Variants in SORCS1 observed in about 807,000 individuals in gnomAD.
SORCS1 encodes VPS10 domain-containing receptor SorCS1.
A neutral mutation model predicts 146.1 loss-of-function variants in SORCS1; 60 were observed. The ratio of observed to expected loss-of-function variants is 0.41; its 90% CI spans 0.33 to 0.51. The LOEUF (loss-of-function observed/expected upper bound fraction) is 0.51, where lower values mean the gene tolerates loss of function less well. Ranked by LOEUF, SORCS1 falls within the 20% of genes least tolerant of loss-of-function variation. SORCS1 has a pLI of 0.21. For missense variants in SORCS1, 1,352 were observed against 1,487.6 expected (o/e 0.91, Z 1.50); for synonymous variants, 637 against 584.0 (o/e 1.09, Z -1.31).
chr10:107,113,056 T>C (rs1243401903), intron 1 of SORCS1, among the ~76,000 whole-genome samples: 1 of 152,176 alleles, frequency 6.6e-6, no homozygotes, highest in African/African-American at 2.4e-5. Context: ...CAACTACACG[T>C]TCTTCTCAAA....
At chr10:106,706,676 T>C in intron 7 of SORCS1, 42 bp from the exon 8 acceptor site, 1 of 1,579,988 alleles carries the variant, frequency 6.3e-7, no homozygotes, top group Non-Finnish European at 8.7e-7. Flanking sequence ...CGAGCTACTG[T>C]AACAGGCACA....
intron 5 of SORCS1, among the ~76,000 whole-genome samples, chr10:106,733,107 C>CAAAAAAAAA (rs1350500252): frequency 1.4e-4 from 16 of 111,192 alleles, no homozygotes; most frequent in African/African-American, 4.3e-4. Flanking sequence ...TACTCCATTT[C>CAAAAAAAAA]AAAAAAAAGA....
chr10:106,881,467 T>C (rs1432710334), intron 2 of SORCS1, among the ~76,000 whole-genome samples: 1 of 152,240 alleles, frequency 6.6e-6, no homozygotes, highest in African/African-American at 2.4e-5. Flanking sequence ...CTCCTGGTCT[T>C]TAACCTTTTC....
intron 1 of SORCS1, among the ~76,000 whole-genome samples, chr10:107,045,082 A>G (rs10509826): frequency 0.25 from 37,279 of 152,004 alleles, 4,855 homozygotes; most frequent in Middle Eastern, 0.41. Flanking sequence ...TTGAGAGACC[A>G]GGACCGTATT....
At chr10:107,119,721 A>G (rs1162488284) in intron 1 of SORCS1, among the ~76,000 whole-genome samples, 1 of 152,196 alleles carries the variant, frequency 6.6e-6, no homozygotes, top group Non-Finnish European at 1.5e-5. Flanking sequence ...CATGTCATGG[A>G]GCTAAGAAAA....
At chr10:106,994,111 A>G (rs1377313864) in intron 1 of SORCS1, among the ~76,000 whole-genome samples, 2 of 151,494 alleles carry the variant, frequency 1.3e-5, no homozygotes, top group Non-Finnish European at 2.9e-5. Flanking sequence ...AAACAAATTC[A>G]TAATTCATGG....
chr10:106,618,247 A>G lies in SORCS1; in HGVS notation c.2822T>C (p.Ile941Thr), dbSNP rs999089250. ...TEPLITLEGS[I>T]SFRFTSEGMN... The stretch of plus-strand genomic sequence containing the variant: ...TCCTTCTGAAGTAAATCTGAAGGAT[A>G]TGCTTCCCTCCAAGGTGATCAAAGG... The change falls in exon 21 of 26, where the codon ATA becomes ACA. Residue 941 changes from isoleucine (I) to threonine (T), a missense_variant. By Grantham distance (89) the Ile-to-Thr change is moderately conservative. Transcript: ENST00000263054. The G allele has an allele frequency of 9.3e-6, 15 of 1,613,938 alleles. No individual in the cohort carries two copies. The highest frequency in any genetic ancestry group is 1.6e-4 in the Middle Eastern group (1 of 6,082).
intron 1 of SORCS1, among the ~76,000 whole-genome samples, chr10:107,128,128 C>A (rs1221628368): frequency 1.3e-5 from 2 of 152,192 alleles, no homozygotes; most frequent in Non-Finnish European, 2.9e-5. Context: ...GTCTTACAAT[C>A]TTCATAGGCA....
intron 1 of SORCS1, among the ~76,000 whole-genome samples, chr10:107,139,556 A>G (rs1967622738): frequency 6.6e-6 from 1 of 152,172 alleles, no homozygotes; most frequent in Non-Finnish European, 1.5e-5. Flanking sequence ...CAGAGGGGAA[A>G]AAACAGACAG....
chr10:107,129,962 C>A (rs661162), intron 1 of SORCS1, among the ~76,000 whole-genome samples: 15,437 of 152,196 alleles, frequency 0.1, 1,599 homozygotes, highest in East Asian at 0.35. Flanking sequence ...GTTGCTCTGC[C>A]TTACAGAGGA....
intron 5 of SORCS1, among the ~76,000 whole-genome samples, chr10:106,753,356 G>A (rs1370149770): frequency 6.6e-6 from 1 of 152,064 alleles, no homozygotes; most frequent in East Asian, 1.9e-4. Flanking sequence ...AGTCTTAGGG[G>A]TACTGTGCTG....
intron 10 of SORCS1, among the ~76,000 whole-genome samples, chr10:106,682,780 G>A (rs1023147900): frequency 2.6e-5 from 4 of 152,104 alleles, no homozygotes; most frequent in African/African-American, 9.7e-5. Flanking sequence ...TTATCTCCAA[G>A]TCAATAGAGT....
chr10:106,582,348 C>T (rs760941826), intron 24 of SORCS1, among the ~76,000 whole-genome samples: 1 of 152,190 alleles, frequency 6.6e-6, no homozygotes, highest in Non-Finnish European at 1.5e-5. Context: ...TATCCATTCA[C>T]CCTCCCCATC....
At chr10:106,594,892 A>G (rs1411581507) in intron 24 of SORCS1, among the ~76,000 whole-genome samples, 1 of 152,246 alleles carries the variant, frequency 6.6e-6, no homozygotes, top group Non-Finnish European at 1.5e-5. Flanking sequence ...CTACCTAAAC[A>G]GGCTCCATGG....
At chr10:107,175,339 C>T in the SORCS1 span, among the ~76,000 whole-genome samples, 1 of 152,116 alleles carries the variant, frequency 6.6e-6, no homozygotes, top group African/African-American at 2.4e-5. Context: ...GTTATTTCTT[C>T]CTTATTTGTT....
At chr10:106,778,776 C>T (rs1296413879) in intron 3 of SORCS1, among the ~76,000 whole-genome samples, 1 of 152,112 alleles carries the variant, frequency 6.6e-6, no homozygotes, top group East Asian at 1.9e-4. Context: ...AAGGTGATTC[C>T]CTTCCCCACT....
chr10:106,945,913 C>A (rs1000709056), intron 2 of SORCS1, among the ~76,000 whole-genome samples: 1 of 152,134 alleles, frequency 6.6e-6, no homozygotes, highest in Non-Finnish European at 1.5e-5. Flanking sequence ...CCTTATAGAA[C>A]GAGCTTTCAC....
chr10:106,633,425 C>G (rs1415087213), intron 18 of SORCS1, among the ~76,000 whole-genome samples: 2 of 152,168 alleles, frequency 1.3e-5, no homozygotes, highest in African/African-American at 4.8e-5. Flanking sequence ...TTCCTCCTGT[C>G]TAACTGTGAT....
At chr10:106,612,057 T>C in intron 21 of SORCS1, 34 bp from the exon 22 acceptor site, 1 of 1,499,664 alleles carries the variant, frequency 6.7e-7, no homozygotes, top group Admixed American at 1.7e-5. Context: ...GTACTATAAG[T>C]CAAATAGTCC....
Sources: gnomAD v4.1 joint callset for allele counts (sites outside exome capture counted in the v4.1 genomes callset) on GRCh38, gnomAD v4.1.1 for gene constraint, MANE v1.5 for transcripts, NCBI Gene and HGNC (gene_info 2026-07-23, HGNC 2026-07-21) for gene names.